The following KCNIP4 variants were observed in gnomAD, a reference collection of about 807,000 sequenced individuals.
KCNIP4 encodes potassium voltage-gated channel interacting protein 4.
Under a neutral mutation model 34.0 loss-of-function variants are expected in KCNIP4, and 12 were observed. The observed-to-expected ratio is 0.35, with a 90% CI of 0.23 to 0.57. The LOEUF (loss-of-function observed/expected upper bound fraction) is 0.57. Ranked by LOEUF, KCNIP4 falls within the 20% of genes least tolerant of loss-of-function variation. The pLI is 0.83. For synonymous variants in KCNIP4, 124 were observed against 102.2 expected (o/e 1.21, Z -1.29); for missense variants, 238 against 311.7 (o/e 0.76, Z 1.78).
intron 1 of KCNIP4, among the ~76,000 whole-genome samples, chr4:21,130,990 T>A (rs1371127172): frequency 6.6e-6 from 1 of 152,150 alleles, no homozygotes; most frequent in Admixed American, 6.5e-5. Context: ...CTCCTTGACT[T>A]ATGCTGGGAT....
At chr4:21,315,181 T>C (rs939951559) in intron 1 of KCNIP4, 6 of 152,296 alleles carry the variant, frequency 3.9e-5, no homozygotes, top group Non-Finnish European at 8.8e-5. Context: ...TTGAACGACA[T>C]AGGTTAGAGC....
At chr4:21,781,242 ACTT>A (rs1719557723) in intron 1 of KCNIP4, among the ~76,000 whole-genome samples, 1 of 152,030 alleles carries the variant, frequency 6.6e-6, no homozygotes, top group Non-Finnish European at 1.5e-5. Flanking sequence ...CCCTGCTTGT[ACTT>A]CTCTCTCCTA....
chr4:21,050,902 C>A (rs1742870908), intron 1 of KCNIP4, among the ~76,000 whole-genome samples: 1 of 152,204 alleles, frequency 6.6e-6, no homozygotes, highest in South Asian at 2.1e-4. Flanking sequence ...TTACCTTCAG[C>A]ACCTCATTGA....
At chr4:21,489,460 T>A (rs949498193) in intron 1 of KCNIP4, among the ~76,000 whole-genome samples, 3 of 152,148 alleles carry the variant, frequency 2.0e-5, no homozygotes, top group Non-Finnish European at 4.4e-5. Context: ...ATTCAGTGAC[T>A]GTTTAAAACC....
rs189230487 is a variant in KCNIP4 at position 21,752,303 on chromosome 4, G to A, written c.61+196268C>T. Among the ~76,000 whole-genome samples, 1,329 of 152,214 alleles carry A rather than the reference G, an allele frequency of 8.7e-3. 19 individuals are homozygous for A. Among genetic ancestry groups the A allele is most frequent in the South Asian group, 0.038 (185 of 4,812 alleles). The stretch of plus-strand genomic sequence containing the variant: ...TGCATGGCTGAGGGGGGCGCCTCAG[G>A]AAACTTACAATCATGGTGAAAGGCA... On this transcript the variant is annotated intron_variant, in intron 1 of 8. Transcript: ENST00000382152.
At chr4:21,541,823 T>G (rs1737721108) in intron 1 of KCNIP4, among the ~76,000 whole-genome samples, 1 of 151,792 alleles carries the variant, frequency 6.6e-6, no homozygotes, top group South Asian at 2.1e-4. Context: ...AAAATTTTTT[T>G]GTAGAGATGG....
At chr4:20,796,193 A>G (rs1713433211) in intron 3 of KCNIP4, among the ~76,000 whole-genome samples, 1 of 152,216 alleles carries the variant, frequency 6.6e-6, no homozygotes, top group Non-Finnish European at 1.5e-5. Flanking sequence ...AACTTAGTAT[A>G]TATCTATTAA....
chr4:20,914,719 T>C (rs897768081), intron 1 of KCNIP4, among the ~76,000 whole-genome samples: 1 of 152,188 alleles, frequency 6.6e-6, no homozygotes, highest in African/African-American at 2.4e-5. Flanking sequence ...CTCTTCAGGC[T>C]CAGCAACTCA....
chr4:20,856,362 C>T (rs2149489703), intron 2 of KCNIP4, among the ~76,000 whole-genome samples: 2 of 152,274 alleles, frequency 1.3e-5, no homozygotes, highest in South Asian at 4.1e-4. Context: ...CTTTCATGAT[C>T]CAATTTAAAT....
intron 1 of KCNIP4, among the ~76,000 whole-genome samples, chr4:20,917,046 T>C (rs1371071099): frequency 4.7e-5 from 5 of 107,458 alleles, no homozygotes; most frequent in African/African-American, 7.0e-5. Context: ...TATATATATA[T>C]ATATAAAATT....
intron 1 of KCNIP4, among the ~76,000 whole-genome samples, chr4:21,234,037 TATAACATATATAACAC>T (rs1488737763): frequency 5.0e-5 from 6 of 120,250 alleles, no homozygotes; most frequent in African/African-American, 7.2e-5. Flanking sequence ...ATATAACATA[TATAACATATATAACAC>T]ATAACATATA....
intron 1 of KCNIP4, among the ~76,000 whole-genome samples, chr4:21,175,844 G>A (rs79844906): frequency 0.022 from 3,414 of 152,260 alleles, 144 homozygotes; most frequent in African/African-American, 0.078. Context: ...GCTGACCACA[G>A]ATAAATGAAA....
chr4:21,869,771 T>TAGAC lies in KCNIP4; in HGVS notation c.61+78799_61+78800insGTCT, dbSNP rs1229625346. Among the ~76,000 whole-genome samples, 349 of 123,280 alleles carry TAGAC rather than the reference T, an allele frequency of 2.8e-3. 5 individuals carry two copies. The highest frequency in any genetic ancestry group is 8.1e-3 in the African/African-American group (300 of 36,890). The allele number at this position is 123,280 out of a possible 152,430, so 80.9% of individuals were successfully genotyped here. A position where few individuals can be genotyped will look rare whatever the true frequency, so the allele number is the denominator to read the frequency against. On this transcript the variant is annotated intron_variant, in intron 1 of 8. Transcript: ENST00000382152. The stretch of plus-strand genomic sequence containing the variant: ...ATAGATAGATAGATAGATAGATAGA[T>TAGAC]AGATAGATAGATAGACAGACAGACA...
At chr4:21,199,732 A>ACAGGCACACATATGTTTATTGCAG (rs1553953098) in intron 1 of KCNIP4, among the ~76,000 whole-genome samples, 1 of 151,116 alleles carries the variant, frequency 6.6e-6, no homozygotes, top group African/African-American at 2.4e-5. Flanking sequence ...CTATAAAGAT[A>ACAGGCACACATATGTTTATTGCAG]CATGCACACA....
intron 1 of KCNIP4, among the ~76,000 whole-genome samples, chr4:21,546,520 T>C (rs2109008251): frequency 6.6e-6 from 1 of 152,256 alleles, no homozygotes; most frequent in South Asian, 2.1e-4. Context: ...CTTTTTCCTC[T>C]CTGATTCACT....
intron 1 of KCNIP4, among the ~76,000 whole-genome samples, chr4:21,218,095 A>G (rs1356232817): frequency 6.6e-6 from 1 of 151,376 alleles, no homozygotes; most frequent in Non-Finnish European, 1.5e-5. Flanking sequence ...GGCTACCCAC[A>G]ACCTCCGCCT....
chr4:21,731,541 C>T (rs1715603791), intron 1 of KCNIP4, among the ~76,000 whole-genome samples: 1 of 152,092 alleles, frequency 6.6e-6, no homozygotes, highest in African/African-American at 2.4e-5. Flanking sequence ...ATCTCATGCT[C>T]ATTTACATCC....
chr4:21,485,508 A>G (rs540554132), intron 1 of KCNIP4, among the ~76,000 whole-genome samples: 2 of 151,980 alleles, frequency 1.3e-5, no homozygotes, highest in African/African-American at 4.8e-5. Context: ...TCCAATCTCA[A>G]CTCTTTAAAT....
At chr4:21,668,197 C>A (rs948381823) in intron 1 of KCNIP4, among the ~76,000 whole-genome samples, 6 of 152,064 alleles carry the variant, frequency 3.9e-5, no homozygotes, top group African/African-American at 1.4e-4. Context: ...CACATGGACA[C>A]AGAGAGGGGA....
Sources: allele counts gnomAD v4.1 joint callset (sites outside exome capture counted in the v4.1 genomes callset), GRCh38; gene constraint gnomAD v4.1.1; transcripts MANE v1.5; gene names NCBI Gene and HGNC (gene_info 2026-07-23, HGNC 2026-07-21).